The following PHEX variants were observed in gnomAD, a reference collection of about 807,000 sequenced individuals.
The protein encoded by PHEX is phosphate-regulating neutral endopeptidase PHEX.
Under a neutral mutation model 68.0 loss-of-function variants are expected in PHEX, and 16 were observed. That is an observed-to-expected ratio of 0.24 (90% confidence interval 0.16 to 0.36). The LOEUF (loss-of-function observed/expected upper bound fraction) is 0.36. PHEX is among the 10% of genes least tolerant of loss of function. The pLI is 1.00. For synonymous variants in PHEX, 208 were observed against 205.1 expected (o/e 1.01, Z -0.12); for missense variants, 480 against 575.5 (o/e 0.83, Z 1.70).
At chrX:22,227,215 G>A (rs1167854760) in intron 19 of PHEX, among the ~76,000 whole-genome samples, 1 of 112,470 alleles carries the variant, frequency 8.9e-6, no homozygotes, top group Non-Finnish European at 1.9e-5. Context: ...CATTGTGTTA[G>A]ATTTGTTTGT....
chrX:22,089,073 G>A (rs1391925478), intron 5 of PHEX, among the ~76,000 whole-genome samples: 1 of 112,492 alleles, frequency 8.9e-6, no homozygotes, highest in African/African-American at 3.2e-5. Context: ...CCAGGCTGGA[G>A]TGCAGTGGCG....
At chrX:22,228,511 A>T (rs1040437503) in intron 20 of PHEX, among the ~76,000 whole-genome samples, 1 of 108,763 alleles carries the variant, frequency 9.2e-6, no homozygotes, top group African/African-American at 3.3e-5. Context: ...CTAATAAAAA[A>T]CACTAAATAA....
intron 17 of PHEX, 151 bp downstream of exon 17, chrX:22,219,254 T>C (rs1935190894): frequency 2.1e-6 from 1 of 470,113 alleles, no homozygotes; most frequent in Non-Finnish European, 3.7e-6. Flanking sequence ...CTTTTCACCG[T>C]GTCTTGCTGT....
intron 11 of PHEX, among the ~76,000 whole-genome samples, chrX:22,126,509 G>C (rs1326240039): frequency 4.5e-5 from 5 of 112,032 alleles, no homozygotes; most frequent in Admixed American, 2.9e-4. Context: ...TGTATTAATA[G>C]AACCATCATG....
At chrX:22,055,408 T>C (rs1394543847) in intron 3 of PHEX, among the ~76,000 whole-genome samples, 1 of 110,281 alleles carries the variant, frequency 9.1e-6, no homozygotes, top group Non-Finnish European at 1.9e-5. Context: ...TGGACAAATA[T>C]AGAAATTTTT....
intron 3 of PHEX, among the ~76,000 whole-genome samples, chrX:22,073,491 A>G (rs141134715): frequency 0.026 from 2,940 of 111,144 alleles, 38 homozygotes; most frequent in Non-Finnish European, 0.042. Flanking sequence ...CCCTTCCCAC[A>G]TGTCTATTAT....
At chrX:22,245,503 T>G (rs1041008043) in intron 21 of PHEX, 94 bp downstream of exon 21, 8 of 625,587 alleles carry the variant, frequency 1.3e-5, no homozygotes, top group African/African-American at 4.4e-5. Flanking sequence ...AGATAGGTGA[T>G]CTGAAAAAAA....
At chrX:22,133,481 C>A (rs1399283513) in intron 11 of PHEX, 42 bp from the exon 12 acceptor site, 2 of 1,066,188 alleles carry the variant, frequency 1.9e-6, no homozygotes, top group Admixed American at 2.2e-5. Context: ...TCGACTGAAG[C>A]TTCTTGGCTT....
rs2285074 is a variant in PHEX at position 22,218,695 on chromosome X, T to G, written c.1701-341T>G. Among the ~76,000 whole-genome samples the G allele has an allele frequency of 0.32, 35,493 of 110,917 alleles. 4,348 individuals are homozygous for G. Among genetic ancestry groups the G allele is most frequent in the Middle Eastern group, 0.4 (85 of 212 alleles). On this transcript the variant is annotated intron_variant, in intron 16 of 21. Transcript: ENST00000379374. ...TCTTTTCAAGCCCTGTTCTAGGTGT[T>G]CATAAATATATAGCTATAGCAGATA...
chrX:22,182,592 T>TTGTGTGTG (rs9331474), intron 14 of PHEX, among the ~76,000 whole-genome samples: 9 of 103,007 alleles, frequency 8.7e-5, no homozygotes, highest in African/African-American at 2.8e-4. Context: ...TGAAGATGCT[T>TTGTGTGTG]TGTGTGTGTG....
intron 6 of PHEX, among the ~76,000 whole-genome samples, chrX:22,091,097 C>T (rs775739254): frequency 1.8e-5 from 2 of 112,012 alleles, no homozygotes; most frequent in East Asian, 2.8e-4. Context: ...TCATTTCTGA[C>T]ACTTTCAATT....
intron 19 of PHEX, among the ~76,000 whole-genome samples, chrX:22,227,259 C>T (rs1935539534): frequency 8.9e-6 from 1 of 112,381 alleles, no homozygotes; most frequent in African/African-American, 3.2e-5. Flanking sequence ...AGCTTTTTTT[C>T]TCCAAGAGTT....
At chrX:22,185,902 C>T (rs1363270417) in intron 14 of PHEX, among the ~76,000 whole-genome samples, 1 of 109,587 alleles carries the variant, frequency 9.1e-6, no homozygotes, top group African/African-American at 3.3e-5. Context: ...ATTACAGGTG[C>T]CCGCCACCAC....
chrX:22,094,976 A>C (rs1181898284), intron 7 of PHEX, among the ~76,000 whole-genome samples: 1 of 112,198 alleles, frequency 8.9e-6, no homozygotes, highest in Admixed American at 9.5e-5. Flanking sequence ...CTTTTTACCA[A>C]GAAAGTTTTG....
chrX:22,176,395 AAAAAAAAATATAT>A (rs775575685), intron 13 of PHEX, among the ~76,000 whole-genome samples: 4,040 of 86,025 alleles, frequency 0.047, 252 homozygotes, highest in African/African-American at 0.18. Context: ...AAAAAAAAAA[AAAAAAAAATATAT>A]ATATATATAT....
chrX:22,173,596 G>A (rs190802482), intron 13 of PHEX, among the ~76,000 whole-genome samples: 12 of 110,491 alleles, frequency 1.1e-4, no homozygotes, highest in Non-Finnish European at 2.3e-4. Flanking sequence ...ATGTCTACAT[G>A]TATAGACACA....
At chrX:22,065,716 G>A (rs760515934) in intron 3 of PHEX, among the ~76,000 whole-genome samples, 7 of 111,750 alleles carry the variant, frequency 6.3e-5, no homozygotes, top group East Asian at 2.8e-4. Context: ...GAGCCACCGC[G>A]CCCGGCCGGC....
At chrX:22,141,945 C>T (rs1216145724) in intron 12 of PHEX, among the ~76,000 whole-genome samples, 2 of 112,051 alleles carry the variant, frequency 1.8e-5, no homozygotes, top group Non-Finnish European at 3.8e-5. Context: ...ATTGCATATT[C>T]TTTATGCAAG....
At chrX:22,137,582 C>T (rs534180590) in intron 12 of PHEX, among the ~76,000 whole-genome samples, 6 of 111,492 alleles carry the variant, frequency 5.4e-5, no homozygotes, top group South Asian at 7.6e-4. Flanking sequence ...CCCAGGTATG[C>T]GGTCAGGGCT....
Sources: allele counts gnomAD v4.1 joint callset (sites outside exome capture counted in the v4.1 genomes callset), GRCh38; gene constraint gnomAD v4.1.1; transcripts MANE v1.5; gene names NCBI Gene and HGNC (gene_info 2026-07-23, HGNC 2026-07-21).